Variants in CYB5B observed in about 807,000 individuals in gnomAD.
CYB5B encodes the protein cytochrome b5 type B (outer mitochondrial membrane).
A neutral mutation model predicts 21.3 loss-of-function variants in CYB5B; 14 were observed. The ratio of observed to expected loss-of-function variants is 0.66; its 90% CI spans 0.43 to 1.03. CYB5B has a LOEUF of 1.03. Among genes scored for constraint, CYB5B ranks in the 50% least tolerant of loss-of-function variants. The pLI is 0.00. For synonymous variants in CYB5B, 69 were observed against 68.4 expected, an observed-to-expected ratio of 1.01 and a Z score of -0.04; for missense variants, 166 against 185.1, an observed-to-expected ratio of 0.90 and a Z score of 0.60.
chr16:69,438,098 A>T (rs1229488934), intron 1 of CYB5B, among the ~76,000 whole-genome samples: 2 of 152,048 alleles, frequency 1.3e-5, no homozygotes, highest in Admixed American at 6.6e-5. Context: ...TGGTAATCAC[A>T]GTTCTATTTT....
intron 1 of CYB5B, among the ~76,000 whole-genome samples, chr16:69,434,563 C>G (rs1165206604): frequency 3.3e-5 from 5 of 152,080 alleles, no homozygotes; most frequent in Non-Finnish European, 7.4e-5. Flanking sequence ...TACTTTTAAC[C>G]ATTCTAATGG....
intron 1 of CYB5B, among the ~76,000 whole-genome samples, chr16:69,440,064 G>A (rs373325579): frequency 2.0e-5 from 3 of 151,508 alleles, no homozygotes; most frequent in East Asian, 1.9e-4. Flanking sequence ...AATATAGATC[G>A]GGGTCTTGCT....
At chr16:69,438,773 A>G (rs2014788551) in intron 1 of CYB5B, among the ~76,000 whole-genome samples, 2 of 152,318 alleles carry the variant, frequency 1.3e-5, no homozygotes, top group East Asian at 1.9e-4. Flanking sequence ...TGAGAAGGAG[A>G]GAGAGCGAGA....
intron 1 of CYB5B, 61 bp from the exon 2 acceptor site, chr16:69,447,089 A>T: frequency 1.3e-6 from 2 of 1,579,434 alleles, no homozygotes; most frequent in East Asian, 2.2e-5. Flanking sequence ...GGTATGGGAA[A>T]GTAACTTGTT....
At chr16:69,434,955 A>G (rs1239575841) in intron 1 of CYB5B, among the ~76,000 whole-genome samples, 1 of 151,496 alleles carries the variant, frequency 6.6e-6, no homozygotes, top group African/African-American at 2.4e-5. Flanking sequence ...ATGATGTTGT[A>G]TCTTTCCATG....
chr16:69,433,456 C>T (rs1360669426), intron 1 of CYB5B, among the ~76,000 whole-genome samples: 1 of 152,138 alleles, frequency 6.6e-6, no homozygotes, highest in Non-Finnish European at 1.5e-5. Flanking sequence ...ACATACTATG[C>T]ACACTCATCT....
chr16:69,446,428 A>G (rs994948738), intron 1 of CYB5B, among the ~76,000 whole-genome samples: 15 of 152,022 alleles, frequency 9.9e-5, no homozygotes, highest in African/African-American at 3.6e-4. Context: ...GGTTTAAGTG[A>G]TTCTCCTGCC....
chr16:69,428,885 C>T (rs1308505370), intron 1 of CYB5B, among the ~76,000 whole-genome samples: 2 of 152,126 alleles, frequency 1.3e-5, no homozygotes, highest in Non-Finnish European at 2.9e-5. Flanking sequence ...GGGAGGATGT[C>T]TGGTATGTTT....
chr16:69,426,101 T>C (rs1056686526), intron 1 of CYB5B, among the ~76,000 whole-genome samples: 1 of 152,192 alleles, frequency 6.6e-6, no homozygotes, highest in Admixed American at 6.5e-5. Flanking sequence ...CATTTTATGC[T>C]TTTAAAAGTG....
intron 1 of CYB5B, chr16:69,444,434 G>A (rs918704435): frequency 6.6e-6 from 1 of 152,254 alleles, no homozygotes; most frequent in Non-Finnish European, 1.5e-5. Flanking sequence ...CTCGGGCCTA[G>A]TGCAGTGATT....
chr16:69,452,647 G>A (rs2014946958), intron 3 of CYB5B, among the ~76,000 whole-genome samples: 1 of 151,678 alleles, frequency 6.6e-6, no homozygotes, highest in Admixed American at 6.6e-5. Flanking sequence ...TCTAGTCTGG[G>A]TGACAGAACG....
intron 3 of CYB5B, among the ~76,000 whole-genome samples, chr16:69,451,015 T>C: frequency 6.6e-6 from 1 of 152,218 alleles, no homozygotes; most frequent in East Asian, 1.9e-4. Context: ...GTCACCATTG[T>C]TTTATTGTTA....
chr16:69,447,903 A>G (rs951964393), intron 2 of CYB5B, among the ~76,000 whole-genome samples: 19 of 152,182 alleles, frequency 1.2e-4, no homozygotes, highest in South Asian at 4.1e-4. Context: ...AAAGGTAGTA[A>G]TTATGGACTT....
chr16:69,459,903 G>T (rs976633497), intron 4 of CYB5B, among the ~76,000 whole-genome samples: 1 of 152,098 alleles, frequency 6.6e-6, no homozygotes, highest in Admixed American at 6.5e-5. Context: ...GCGAAATGCT[G>T]CATAAAAATT....
intron 1 of CYB5B, among the ~76,000 whole-genome samples, chr16:69,426,149 C>T (rs944558557): frequency 5.9e-5 from 9 of 152,260 alleles, no homozygotes; most frequent in East Asian, 1.9e-4. Context: ...CCTGTAATCC[C>T]AGCACTTTGA....
intron 3 of CYB5B, among the ~76,000 whole-genome samples, chr16:69,451,533 C>T (rs1197014254): frequency 3.9e-5 from 6 of 152,080 alleles, no homozygotes; most frequent in Admixed American, 1.3e-4. Context: ...AACTGCTTTA[C>T]TAGTTAAATC....
chr16:69,439,366 A>AGG (rs2014796211), intron 1 of CYB5B, among the ~76,000 whole-genome samples: 1 of 152,046 alleles, frequency 6.6e-6, no homozygotes, highest in South Asian at 2.1e-4. Context: ...GCCCGCCATC[A>AGG]GGCCCAGCTA....
rs999165147 is a variant in CYB5B at position 69,463,682 on chromosome 16, T to C, written c.*1162T>C. 3.3e-5 allele frequency: 5 copies of C among 152,122 alleles called. No individual in the cohort carries two copies. The highest frequency in any genetic ancestry group is 7.4e-5 in the Non-Finnish European group (5 of 68,022). 9.4% of individuals were successfully genotyped at this position (152,122 alleles called of 1,614,324 possible). ...GTAAAGTAACTTCCATATAAAATGG[T>C]ATTTGAAAGTGAGAGTTCATGACAA... On this transcript the variant is annotated 3_prime_UTR_variant, in exon 5 of 5. Coordinates refer to ENST00000307892, the MANE Select transcript of CYB5B (RefSeq NM_030579.3).
At chr16:69,448,176 A>G (rs2014896333) in intron 3 of CYB5B, 32 bp downstream of exon 3, 1 of 1,612,262 alleles carries the variant, frequency 6.2e-7, no homozygotes, top group Admixed American at 1.7e-5. Context: ...TTGTGTTTAT[A>G]TTTGTGTTTA....
Sources: allele counts gnomAD v4.1 joint callset (sites outside exome capture counted in the v4.1 genomes callset), GRCh38; gene constraint gnomAD v4.1.1; transcripts MANE v1.5; gene names NCBI Gene and HGNC (gene_info 2026-07-23, HGNC 2026-07-21).